Variants in EBF2 observed in about 807,000 individuals in gnomAD.
The protein encoded by EBF2 is EBF transcription factor 2, also known as transcription factor COE2.
In EBF2, 21 loss-of-function variants were observed where a neutral mutation model predicts 72.8. The ratio of observed to expected loss-of-function variants is 0.29; its 90% CI spans 0.20 to 0.42. The LOEUF is 0.42. Ranked by LOEUF, EBF2 falls within the 10% of genes least tolerant of loss-of-function variation. EBF2 has a pLI of 1.00. For synonymous variants in EBF2, 299 were observed against 274.2 expected (o/e 1.09, Z -0.89); for missense variants, 637 against 731.2 (o/e 0.87, Z 1.49).
At position 26,044,444 on chromosome 8, in the gene EBF2, G is replaced by A. The variant is rs1805665888; in HGVS notation, c.131+285C>T. 6.6e-6 allele frequency among the ~76,000 whole-genome samples: 1 copy of A among 152,230 alleles called. No individual in the cohort carries two copies. Among genetic ancestry groups the A allele is most frequent in the Non-Finnish European group, 1.5e-5 (1 of 68,022 alleles). ...CTAGGGGCTGAGCTGGGAGATGTTG[G>A]GGGCTACTTTATTTTTCCTTGCAAA... On this transcript the variant is annotated intron_variant, in intron 1 of 15. Transcript: ENST00000520164. This position sits in a 1 kb window ranked among gnomAD's most constrained non-coding sequence, Gnocchi z 4.1.
At chr8:25,956,155 A>G (rs1478009762) in intron 6 of EBF2, among the ~76,000 whole-genome samples, 2 of 152,132 alleles carry the variant, frequency 1.3e-5, no homozygotes, top group African/African-American at 4.8e-5. Flanking sequence ...TCAGTGGCTT[A>G]TGCCTGTAAT....
intron 6 of EBF2, among the ~76,000 whole-genome samples, chr8:25,921,258 A>G (rs934782516): frequency 2.0e-5 from 3 of 152,120 alleles, no homozygotes; most frequent in Non-Finnish European, 4.4e-5. Context: ...AGCAAAACAG[A>G]TTTTCTTATA....
intron 2 of EBF2, 90 bp downstream of exon 2, chr8:26,042,005 A>G (rs1181962715): frequency 1.3e-6 from 2 of 1,531,082 alleles, no homozygotes; most frequent in African/African-American, 1.4e-5. Flanking sequence ...TGAGAGTGGA[A>G]AAGTGTCGCG....
At chr8:25,851,080 A>C (rs1292520863) in intron 14 of EBF2, among the ~76,000 whole-genome samples, 1 of 152,032 alleles carries the variant, frequency 6.6e-6, no homozygotes, top group Non-Finnish European at 1.5e-5. Flanking sequence ...CTTCATTCAC[A>C]AGCAGAAGCT....
intron 7 of EBF2, among the ~76,000 whole-genome samples, chr8:25,903,054 G>GTATGTATT (rs1802980425): frequency 6.6e-6 from 1 of 152,124 alleles, no homozygotes; most frequent in Non-Finnish European, 1.5e-5. Flanking sequence ...TTTAGTAGGT[G>GTATGTATT]TATGTATTTA....
At chr8:25,874,381 G>A (rs113180202) in intron 10 of EBF2, among the ~76,000 whole-genome samples, 6 of 151,868 alleles carry the variant, frequency 4.0e-5, no homozygotes, top group African/African-American at 1.4e-4. Context: ...TAATCCTGTC[G>A]ATGAATACTT....
intron 6 of EBF2, among the ~76,000 whole-genome samples, chr8:25,996,659 AACC>A: frequency 6.6e-6 from 1 of 152,130 alleles, no homozygotes; most frequent in African/African-American, 2.4e-5. Flanking sequence ...AAGTGAAATA[AACC>A]CACAGAAAGC....
intron 6 of EBF2, among the ~76,000 whole-genome samples, chr8:26,009,622 A>G (rs1166076742): frequency 6.6e-6 from 1 of 152,228 alleles, no homozygotes; most frequent in Admixed American, 6.5e-5. Context: ...CCGCAAATTA[A>G]AAGTATCCGA....
At chr8:26,000,646 A>G (rs770521999) in intron 6 of EBF2, among the ~76,000 whole-genome samples, 7 of 152,216 alleles carry the variant, frequency 4.6e-5, no homozygotes, top group Non-Finnish European at 7.3e-5. Flanking sequence ...CGAGGGAGCC[A>G]AGCCCAGATG....
At chr8:25,996,368 A>G (rs1006861019) in intron 6 of EBF2, among the ~76,000 whole-genome samples, 1 of 152,130 alleles carries the variant, frequency 6.6e-6, no homozygotes, top group African/African-American at 2.4e-5. Flanking sequence ...CCAGCATCCC[A>G]AAAGGCAAAA....
At chr8:25,884,558 C>T (rs1387737419) in intron 10 of EBF2, among the ~76,000 whole-genome samples, 1 of 152,176 alleles carries the variant, frequency 6.6e-6, no homozygotes, top group African/African-American at 2.4e-5. Context: ...CTTATTTTCT[C>T]TCTTGTCTGT....
chr8:26,042,024 A>C, intron 2 of EBF2, 71 bp downstream of exon 2: 1 of 1,561,430 alleles, frequency 6.4e-7, no homozygotes, highest in Non-Finnish European at 8.7e-7. Context: ...CGAGAGTGAC[A>C]GATGGAATCT....
intron 6 of EBF2, among the ~76,000 whole-genome samples, chr8:26,012,664 T>C (rs1430747039): frequency 6.6e-6 from 1 of 152,222 alleles, no homozygotes; most frequent in Non-Finnish European, 1.5e-5. Context: ...TTTATGCATG[T>C]ATGCATTCTC....
chr8:25,845,573 C>A (rs560330420), intron 15 of EBF2, among the ~76,000 whole-genome samples: 1 of 152,322 alleles, frequency 6.6e-6, no homozygotes, highest in African/African-American at 2.4e-5. Flanking sequence ...TAATCTAATT[C>A]TTTCTCCCTT....
At chr8:25,911,988 G>A (rs1191843515) in intron 6 of EBF2, among the ~76,000 whole-genome samples, 1 of 152,150 alleles carries the variant, frequency 6.6e-6, no homozygotes, top group Non-Finnish European at 1.5e-5. Flanking sequence ...TGCTTCTGAG[G>A]CAGGGAGGGT....
intron 6 of EBF2, among the ~76,000 whole-genome samples, chr8:25,915,403 C>A (rs1392047079): frequency 2.6e-5 from 4 of 151,958 alleles, no homozygotes; most frequent in Admixed American, 6.6e-5. Flanking sequence ...AGAGTGGAGT[C>A]CTTCATGTTG....
At chr8:25,850,784 T>C (rs1402668265) in intron 14 of EBF2, 23 bp from the exon 15 acceptor site, 9 of 1,545,022 alleles carry the variant, frequency 5.8e-6, no homozygotes, top group Non-Finnish European at 7.8e-6. Flanking sequence ...TGCACAATCC[T>C]CATTTAGAAA....
At chr8:25,917,766 C>T (rs73677428) in intron 6 of EBF2, among the ~76,000 whole-genome samples, 147 of 152,270 alleles carry the variant, frequency 9.7e-4, no homozygotes, top group African/African-American at 3.2e-3. Context: ...TTCCCCTCCC[C>T]CTCCCATTCT....
chr8:26,043,760 G>A (rs1563218041), intron 1 of EBF2, among the ~76,000 whole-genome samples: 1 of 152,194 alleles, frequency 6.6e-6, no homozygotes, highest in South Asian at 2.1e-4. Flanking sequence ...GGCAGCAGGG[G>A]AAGCGAGGGT....
Sources: allele counts gnomAD v4.1 joint callset (sites outside exome capture counted in the v4.1 genomes callset), GRCh38; gene constraint gnomAD v4.1.1; non-coding constraint Gnocchi (gnomAD v3.1); transcripts MANE v1.5; gene names NCBI Gene and HGNC (gene_info 2026-07-23, HGNC 2026-07-21).